STOX2: variants seen among roughly 807,000 people sequenced by gnomAD.
STOX2 encodes the protein storkhead-box protein 2.
Under a neutral mutation model 60.9 loss-of-function variants are expected in STOX2, and 28 were observed. The ratio of observed to expected loss-of-function variants is 0.46; its 90% CI spans 0.34 to 0.63. STOX2 has a LOEUF of 0.63. STOX2 is among the 30% of genes least tolerant of loss of function. The pLI is 0.01. For synonymous variants in STOX2, 472 were observed against 463.9 expected (o/e 1.02, Z -0.22); for missense variants, 1,024 against 1,187.7 (o/e 0.86, Z 2.03).
intron 1 of STOX2, among the ~76,000 whole-genome samples, chr4:183,927,279 G>A (rs1175569044): frequency 6.6e-6 from 1 of 152,232 alleles, no homozygotes; most frequent in African/African-American, 2.4e-5. Context: ...CCTGGCCTCT[G>A]TGTCTCATGT....
intron 1 of STOX2, among the ~76,000 whole-genome samples, chr4:183,883,778 A>T (rs1271290273): frequency 6.6e-6 from 1 of 152,142 alleles, no homozygotes; most frequent in Non-Finnish European, 1.5e-5. Flanking sequence ...ACACGACTTT[A>T]CAATTAATGA....
chr4:183,907,980 T>G (rs1741666306), intron 1 of STOX2, among the ~76,000 whole-genome samples: 1 of 152,256 alleles, frequency 6.6e-6, no homozygotes, highest in Admixed American at 6.5e-5. Context: ...CTGAGCCCTG[T>G]CTTAACTGGG....
intron 1 of STOX2, among the ~76,000 whole-genome samples, chr4:183,807,162 C>T (rs1295294937): frequency 2.6e-5 from 4 of 151,980 alleles, no homozygotes; most frequent in Non-Finnish European, 2.9e-5. Flanking sequence ...TTAGTAGAGA[C>T]GGGGTTTCAC....
chr4:183,832,489 T>A (rs1160495257), intron 1 of STOX2, among the ~76,000 whole-genome samples: 26 of 119,004 alleles, frequency 2.2e-4, no homozygotes, highest in African/African-American at 1.4e-3. Context: ...ACCGACTCTT[T>A]TTTTTTTTTT....
intron 1 of STOX2, among the ~76,000 whole-genome samples, chr4:183,820,605 C>A (rs566269510): frequency 1.3e-5 from 2 of 152,170 alleles, no homozygotes; most frequent in African/African-American, 4.8e-5. Context: ...TTCTTTTGAT[C>A]TGTCTGCTTA....
At chr4:183,885,850 G>C (rs192581022) in intron 1 of STOX2, among the ~76,000 whole-genome samples, 1 of 152,202 alleles carries the variant, frequency 6.6e-6, no homozygotes, top group Non-Finnish European at 1.5e-5. Context: ...CAATGTTTGC[G>C]TGGAAAAATA....
At chr4:183,919,173 A>G (rs897102582) in intron 1 of STOX2, among the ~76,000 whole-genome samples, 1 of 152,146 alleles carries the variant, frequency 6.6e-6, no homozygotes, top group African/African-American at 2.4e-5. Flanking sequence ...GTTTTTCCAT[A>G]TGGTGTACGC....
chr4:184,004,444 A>G (rs7669647), intron 2 of STOX2, among the ~76,000 whole-genome samples: 101,417 of 151,618 alleles, frequency 0.67, 35,783 homozygotes, highest in Middle Eastern at 0.8. Context: ...CTAAAAATAC[A>G]AAAAAATTAG....
At chr4:183,884,135 C>T (rs974796778) in intron 1 of STOX2, among the ~76,000 whole-genome samples, 87 of 152,026 alleles carry the variant, frequency 5.7e-4, no homozygotes, top group African/African-American at 1.7e-3. Flanking sequence ...ATTACAGGCG[C>T]GAGCCACTGC....
intron 1 of STOX2, among the ~76,000 whole-genome samples, chr4:183,950,670 G>T (rs1291489577): frequency 5.1e-5 from 1 of 19,528 alleles, no homozygotes; most frequent in Admixed American, 7.2e-4. Context: ...ATGCAATAGC[G>T]CATGAGGCCG....
intron 1 of STOX2, among the ~76,000 whole-genome samples, chr4:183,953,077 T>C (rs144189757): frequency 0.016 from 2,488 of 152,032 alleles, 87 homozygotes; most frequent in East Asian, 0.095. Flanking sequence ...TTAGGAGAAA[T>C]ACCTAATGTA....
At chr4:183,820,840 T>C (rs1739288458) in intron 1 of STOX2, among the ~76,000 whole-genome samples, 1 of 151,938 alleles carries the variant, frequency 6.6e-6, no homozygotes, top group African/African-American at 2.4e-5. Flanking sequence ...CAGAGCACGG[T>C]GGTTAACTCC....
chr4:183,973,866 T>A (rs1732324053), intron 1 of STOX2, among the ~76,000 whole-genome samples: 1 of 152,148 alleles, frequency 6.6e-6, no homozygotes, highest in Non-Finnish European at 1.5e-5. Flanking sequence ...TGGTGGCGCA[T>A]GCCTGTAGTC....
At chr4:183,840,414 G>A (rs932775880) in intron 1 of STOX2, among the ~76,000 whole-genome samples, 14 of 152,130 alleles carry the variant, frequency 9.2e-5, no homozygotes, top group South Asian at 2.1e-4. Context: ...TAGGTGGTTG[G>A]CCACCAGGGG....
intron 1 of STOX2, among the ~76,000 whole-genome samples, chr4:183,979,765 G>T (rs1035774459): frequency 2.6e-5 from 4 of 152,050 alleles, no homozygotes; most frequent in African/African-American, 9.7e-5. Flanking sequence ...GACAAGGAAG[G>T]AAAAGATGAA....
At chr4:183,888,724 A>G (rs2111180002) in intron 1 of STOX2, among the ~76,000 whole-genome samples, 1 of 152,322 alleles carries the variant, frequency 6.6e-6, no homozygotes, top group East Asian at 1.9e-4. Context: ...CAGAGTCTGC[A>G]CAGGAATGAG....
At chr4:183,862,749 C>T (rs1404697320) in intron 1 of STOX2, among the ~76,000 whole-genome samples, 2 of 152,178 alleles carry the variant, frequency 1.3e-5, no homozygotes, top group African/African-American at 4.8e-5. Context: ...TAATTAGTGT[C>T]CTGAGAAAAA....
chr4:183,886,442 A>C lies in STOX2; in HGVS notation c.364+88387A>C, dbSNP rs1741086499. On this transcript the variant is annotated intron_variant, in intron 1 of 2. Coordinates refer to the STOX2 transcript ENST00000513034. ...TGTTTCTAAGCAGGGGACTACCTGG[A>C]TTTTTCAGTAATACAGACTGAGAAG... Among the ~76,000 whole-genome samples, 2 of 152,178 alleles carry C rather than the reference A, an allele frequency of 1.3e-5. 1 individual carries two copies. The highest frequency in any genetic ancestry group is 4.1e-4 in the South Asian group (2 of 4,832).
intron 1 of STOX2, among the ~76,000 whole-genome samples, chr4:183,809,943 ATTATAGATAGG>A (rs1192471132): frequency 2.0e-5 from 3 of 152,240 alleles, no homozygotes; most frequent in Admixed American, 6.5e-5. Flanking sequence ...TCTCCAAAAA[ATTATAGATAGG>A]TTTTTCTATG....
Sources: allele counts gnomAD v4.1 joint callset (sites outside exome capture counted in the v4.1 genomes callset), GRCh38; gene constraint gnomAD v4.1.1; transcripts MANE v1.5; gene names NCBI Gene and HGNC (gene_info 2026-07-23, HGNC 2026-07-21).